Variants in CYRIB observed in about 807,000 individuals in gnomAD.
CYRIB encodes the protein CYFIP-related Rac1 interactor B.
Under a neutral mutation model 44.2 loss-of-function variants are expected in CYRIB, and 8 were observed. The ratio of observed to expected loss-of-function variants is 0.18; its 90% confidence interval spans 0.11 to 0.33. The LOEUF is 0.33. CYRIB is among the 10% of genes least tolerant of loss of function. CYRIB has a pLI of 1.00. For missense variants in CYRIB, 185 were observed against 382.8 expected (o/e 0.48, Z 4.31); for synonymous variants, 131 against 127.2 (o/e 1.03, Z -0.20).
chr8:129,869,856 G>A (rs773564538), intron 4 of CYRIB, among the ~76,000 whole-genome samples: 1 of 151,906 alleles, frequency 6.6e-6, no homozygotes, highest in Non-Finnish European at 1.5e-5. Flanking sequence ...CAGTGGTACA[G>A]AGATAAACAC....
At chr8:129,870,923 A>T (rs2056910516) in intron 4 of CYRIB, among the ~76,000 whole-genome samples, 1 of 152,234 alleles carries the variant, frequency 6.6e-6, no homozygotes, top group Non-Finnish European at 1.5e-5. Flanking sequence ...GAAAGAAGCA[A>T]GGACACAGCT....
At chr8:129,871,255 C>G (rs2057076951) in intron 4 of CYRIB, 120 bp downstream of exon 6, 1 of 1,149,918 alleles carries the variant, frequency 8.7e-7, no homozygotes, top group Non-Finnish European at 1.2e-6. Context: ...GCCAAGTGAG[C>G]ATCCTTCAAA....
chr8:129,919,249 A>G (rs1332573710), intron 1 of CYRIB, among the ~76,000 whole-genome samples: 1 of 152,186 alleles, frequency 6.6e-6, no homozygotes, highest in Non-Finnish European at 1.5e-5. Flanking sequence ...GTGATATTAT[A>G]TATCTGATAT....
At chr8:129,877,099 C>T (rs113318311) in intron 3 of CYRIB, among the ~76,000 whole-genome samples, 18 of 151,852 alleles carry the variant, frequency 1.2e-4, no homozygotes, top group African/African-American at 3.6e-4. Flanking sequence ...TAAGATAATG[C>T]CAATGTTAGA....
At chr8:129,929,983 C>T (rs1249244825) in intron 1 of CYRIB, among the ~76,000 whole-genome samples, 1 of 151,992 alleles carries the variant, frequency 6.6e-6, no homozygotes, top group Non-Finnish European at 1.5e-5. Flanking sequence ...GAGGCTAAGG[C>T]AGGTAGATCA....
At chr8:129,908,637 A>G (rs2076605515) in intron 1 of CYRIB, among the ~76,000 whole-genome samples, 1 of 152,126 alleles carries the variant, frequency 6.6e-6, no homozygotes, top group Admixed American at 6.5e-5. Flanking sequence ...AATTACAATA[A>G]TATGTATCTC....
intron 1 of CYRIB, among the ~76,000 whole-genome samples, chr8:129,983,742 A>T (rs574023268): frequency 6.6e-6 from 1 of 152,268 alleles, no homozygotes; most frequent in Admixed American, 6.5e-5. Flanking sequence ...ATGCGGGGAC[A>T]CCGGGGACCG....
intron 1 of CYRIB, among the ~76,000 whole-genome samples, chr8:129,920,600 T>C (rs966741854): frequency 6.6e-6 from 1 of 152,280 alleles, no homozygotes; most frequent in Non-Finnish European, 1.5e-5. Flanking sequence ...CAGACTTCCA[T>C]ATCATCAGTA....
At position 129,966,700 on chromosome 8, in the gene CYRIB, T is replaced by A. The variant is rs1318469253; in HGVS notation, c.-243+4243A>T. On this transcript the variant is annotated intron_variant, in intron 2 of 14. Transcript: ENST00000401979. ...TAAAAAATAAATTTTACTTTATTTTTAAATTTTTAATTAATTATTTTTAGA... is the reference window on the plus strand; with the variant it reads ...TAAAAAATAAATTTTACTTTATTTTAAAATTTTTAATTAATTATTTTTAGA... 2.0e-5 allele frequency among the ~76,000 whole-genome samples: 3 copies of A among 152,148 alleles called. No individual in the cohort carries two copies. The East Asian group carries it at 5.8e-4, about 29-fold the overall frequency.
chr8:129,914,112 T>C (rs2079504076), intron 1 of CYRIB, among the ~76,000 whole-genome samples: 1 of 152,234 alleles, frequency 6.6e-6, no homozygotes, highest in African/African-American at 2.4e-5. Flanking sequence ...TGTCCTGTGT[T>C]ACTTCCCTGT....
intron 4 of CYRIB, 49 bp downstream of exon 6, chr8:129,871,326 G>C: frequency 2.5e-6 from 4 of 1,570,164 alleles, no homozygotes; most frequent in Non-Finnish European, 3.4e-6. Flanking sequence ...TTACAAAGAG[G>C]TGGGACAGTA....
At chr8:130,006,627 T>TAC (rs372879489) in intron 1 of CYRIB, among the ~76,000 whole-genome samples, 120 of 7,540 alleles carry the variant, frequency 0.016, 4 homozygotes, top group Non-Finnish European at 0.021. Context: ...TGTATATATA[T>TAC]ACATATATAT....
intron 1 of CYRIB, 145 bp downstream of exon 1, chr8:130,016,225 C>T (rs1386853026): frequency 6.8e-6 from 1 of 147,384 alleles, no homozygotes; most frequent in Admixed American, 6.7e-5. Flanking sequence ...GCGCCCGGCC[C>T]GGCGGCCCGG....
intron 1 of CYRIB, among the ~76,000 whole-genome samples, chr8:129,914,725 T>C (rs1245120080): frequency 6.6e-6 from 1 of 152,228 alleles, no homozygotes; most frequent in Non-Finnish European, 1.5e-5. Context: ...GAGAGTTATG[T>C]TTTGACGAAA....
chr8:129,933,643 C>T (rs1368587043), intron 1 of CYRIB, among the ~76,000 whole-genome samples: 2 of 151,984 alleles, frequency 1.3e-5, no homozygotes, highest in African/African-American at 2.4e-5. Flanking sequence ...TTTGGGAGGC[C>T]GAGGCGGGCT....
At chr8:129,881,981 T>C (rs557918288) in intron 2 of CYRIB, among the ~76,000 whole-genome samples, 2 of 152,356 alleles carry the variant, frequency 1.3e-5, no homozygotes, top group East Asian at 3.9e-4. Context: ...AAGAAACCAT[T>C]TGGAAATAGC....
rs145723594 is a variant in CYRIB at position 129,955,756 on chromosome 8, G to A, written c.-243+15187C>T. On this transcript the variant is annotated intron_variant, in intron 2 of 14. Coordinates refer to the CYRIB transcript ENST00000401979. ...AGACACATACAAAGCGGTGTTGATG[G>A]ATGAACCAACAAACCCAAGATTAAT... Among the ~76,000 whole-genome samples, 32 of 152,240 alleles carry A rather than the reference G, an allele frequency of 2.1e-4. No homozygotes were observed. The East Asian group carries it at 5.6e-3, about 27-fold the overall frequency.
intron 1 of CYRIB, among the ~76,000 whole-genome samples, chr8:129,975,122 G>A (rs1156260101): frequency 2.0e-5 from 3 of 151,800 alleles, no homozygotes; most frequent in East Asian, 3.9e-4. Context: ...CTCAGAATCC[G>A]CCCACCTCAG....
At chr8:129,970,466 C>A (rs1233562986) in intron 2 of CYRIB, 3 of 149,406 alleles carry the variant, frequency 2.0e-5, no homozygotes, top group Non-Finnish European at 3.0e-5. Context: ...GTCACTCAGG[C>A]TGGAGTGCAG....
Sources: gnomAD v4.1 joint callset for allele counts (sites outside exome capture counted in the v4.1 genomes callset) on GRCh38, gnomAD v4.1.1 for gene constraint, MANE v1.5 for transcripts, NCBI Gene and HGNC (gene_info 2026-07-23, HGNC 2026-07-21) for gene names.